DNAH8: variants seen among roughly 807,000 people sequenced by gnomAD.
The protein encoded by DNAH8 is axonemal beta dynein heavy chain 8.
A neutral mutation model predicts 562.1 loss-of-function variants in DNAH8; 382 were observed. The observed-to-expected ratio is 0.68, with a 90% CI of 0.63 to 0.74. The LOEUF (loss-of-function observed/expected upper bound fraction) is 0.74, where lower values mean the gene tolerates loss of function less well. DNAH8 is among the 30% of genes least tolerant of loss of function. DNAH8 has a pLI of 0.00. For synonymous variants in DNAH8, 1,881 were observed against 1,919.4 expected (o/e 0.98, Z 0.52); for missense variants, 5,203 against 5,620.4 (o/e 0.93, Z 2.37).
chr6:38,985,976 C>T (rs959343712), intron 87 of DNAH8, among the ~76,000 whole-genome samples: 11 of 152,160 alleles, frequency 7.2e-5, no homozygotes, highest in African/African-American at 2.2e-4. Flanking sequence ...ACTACAAAAA[C>T]CTAAGACTCC....
chr6:38,828,055 T>G, intron 29 of DNAH8, 129 bp from the exon 30 acceptor site: 1 of 654,848 alleles, frequency 1.5e-6, no homozygotes. Context: ...CACTTTTAAT[T>G]TTGGAAACCA....
intron 21 of DNAH8, among the ~76,000 whole-genome samples, chr6:38,800,365 G>A (rs563212439): frequency 5.3e-5 from 8 of 152,230 alleles, no homozygotes; most frequent in African/African-American, 1.4e-4. Flanking sequence ...CCACCAGCAT[G>A]TATGAGGGTT....
intron 57 of DNAH8, among the ~76,000 whole-genome samples, chr6:38,888,409 A>G (rs990735119): frequency 1.3e-5 from 2 of 152,206 alleles, no homozygotes; most frequent in Non-Finnish European, 2.9e-5. Context: ...ATTGAAATGT[A>G]AAATTTCTCT....
At position 39,018,798 on chromosome 6, in the gene DNAH8, A is replaced by C. The variant is rs1766719039; in HGVS notation, c.13714+6161A>C. 2.6e-5 allele frequency among the ~76,000 whole-genome samples: 4 copies of C among 152,196 alleles called. 1 individual carries two copies. The South Asian group carries it at 8.3e-4, about 32-fold the overall frequency. On this transcript the variant is annotated intron_variant, in intron 91 of 92. Coordinates refer to ENST00000327475, the MANE Select transcript of DNAH8 (RefSeq NM_001206927.2). ...AGGAGAAGGAGAGTAGTAAGTAAGTAGTGGCAGGTGCTCCAAGAGGGCAAG... is the reference window on the plus strand; with the variant it reads ...AGGAGAAGGAGAGTAGTAAGTAAGTCGTGGCAGGTGCTCCAAGAGGGCAAG...
chr6:38,852,196 C>T lies in DNAH8; in HGVS notation c.5467-498C>T, dbSNP rs529371623. Among the ~76,000 whole-genome samples the T allele has an allele frequency of 1.4e-4, 22 of 152,222 alleles. No individual in the cohort carries two copies. In the South Asian group the frequency reaches 1.5e-3, roughly 10 times the overall value. On this transcript the variant is annotated intron_variant, in intron 39 of 92. Coordinates refer to ENST00000327475, the MANE Select transcript of DNAH8 (RefSeq NM_001206927.2). ...TACTTTGGAAGAGGAAAAGAAAAACCGTAGCAAACTGAGAGTGGGAGGCAC... is the reference window on the plus strand; with the variant it reads ...TACTTTGGAAGAGGAAAAGAAAAACTGTAGCAAACTGAGAGTGGGAGGCAC...
intron 44 of DNAH8, among the ~76,000 whole-genome samples, chr6:38,863,224 G>C (rs1776774867): frequency 1.1e-5 from 1 of 93,840 alleles, no homozygotes. Flanking sequence ...ATGAGGTCGG[G>C]AGTTCAACCA....
intron 73 of DNAH8, among the ~76,000 whole-genome samples, chr6:38,925,314 ATTTTATTTTATTTTATTTTAT>A (rs1202082619): frequency 3.5e-5 from 5 of 142,462 alleles, no homozygotes; most frequent in Admixed American, 2.8e-4. Context: ...ATTTTATTTT[ATTTTATTTTATTTTATTTTAT>A]TTTATTTTAT....
chr6:38,995,222 G>T (rs1352882446), intron 88 of DNAH8, among the ~76,000 whole-genome samples: 1 of 151,980 alleles, frequency 6.6e-6, no homozygotes, highest in East Asian at 1.9e-4. Context: ...TATATTAATG[G>T]ATTTCCTAAC....
chr6:38,923,127 A>G lies in DNAH8; in HGVS notation c.10732A>G (p.Ser3578Gly). Residue 3578 changes from serine to glycine, a missense_variant, in exon 72 of 93, where the codon AGT becomes GGT. Around this residue, in one of 6 missense-constraint regions of DNAH8, gnomAD observed 1,399 missense variants for 1,518.4 expected, o/e 0.92. Transcript: ENST00000327475. Reference protein sequence around the residue: ...QAASTLIDGLSGEKIRWTQQS... With the variant: ...QAASTLIDGLGGEKIRWTQQS... ...CGCCTCCACTCTCATCGATGGGCTG[A>G]GTGGAGAAAAAATCCGGTGGACCCA... 1.9e-6 allele frequency: 3 copies of G among 1,613,778 alleles called. No homozygotes were observed. The highest frequency in any genetic ancestry group is 2.5e-6 in the Non-Finnish European group (3 of 1,179,814).
At chr6:38,724,819 G>A (rs1763071593) in intron 3 of DNAH8, among the ~76,000 whole-genome samples, 1 of 152,174 alleles carries the variant, frequency 6.6e-6, no homozygotes. Context: ...AAAGACCAGT[G>A]AGCAGGTGCA....
intron 82 of DNAH8, among the ~76,000 whole-genome samples, chr6:38,955,032 A>G (rs1435098900): frequency 6.6e-6 from 1 of 152,134 alleles, no homozygotes; most frequent in African/African-American, 2.4e-5. Flanking sequence ...CAGTGGTGCA[A>G]TCATGGCTCA....
At chr6:38,743,008 T>TG (rs1491275629) in intron 8 of DNAH8, among the ~76,000 whole-genome samples, 38 of 5,932 alleles carry the variant, frequency 6.4e-3, no homozygotes, top group Admixed American at 8.7e-3. Flanking sequence ...GTTGTTGTGC[T>TG]TTTTTTTTTT....
At chr6:38,731,773 G>C (rs1008361448) in intron 4 of DNAH8, among the ~76,000 whole-genome samples, 2 of 152,188 alleles carry the variant, frequency 1.3e-5, no homozygotes, top group Non-Finnish European at 2.9e-5. Context: ...GGAGTGCAAT[G>C]GTGCCATCTT....
At chr6:38,801,783 A>G (rs530746520) in intron 21 of DNAH8, among the ~76,000 whole-genome samples, 5 of 152,242 alleles carry the variant, frequency 3.3e-5, no homozygotes, top group Admixed American at 6.5e-5. Context: ...ATGAGAATGC[A>G]TTCAGATACA....
At chr6:38,933,398 T>A (rs1297545758) in intron 76 of DNAH8, among the ~76,000 whole-genome samples, 2 of 152,132 alleles carry the variant, frequency 1.3e-5, no homozygotes, top group Admixed American at 1.3e-4. Flanking sequence ...ACAATCCTAC[T>A]ATTATACCCA....
intron 53 of DNAH8, among the ~76,000 whole-genome samples, chr6:38,878,502 ACAG>A (rs1778198744): frequency 6.6e-6 from 1 of 152,188 alleles, no homozygotes; most frequent in Non-Finnish European, 1.5e-5. Context: ...AAAAAATAGA[ACAG>A]CAACAGAAAA....
intron 81 of DNAH8, among the ~76,000 whole-genome samples, chr6:38,950,858 T>C (rs1046528985): frequency 2.0e-5 from 3 of 152,156 alleles, no homozygotes; most frequent in Admixed American, 2.0e-4. Context: ...CTGTGGGGCT[T>C]GTCTGTGCTT....
At position 38,734,624 on chromosome 6, in the gene DNAH8, A is replaced by G; in HGVS notation, c.761A>G (p.Glu254Gly). 1 of 1,609,664 alleles carries G rather than the reference A, an allele frequency of 6.2e-7. No homozygotes were observed. Among genetic ancestry groups the G allele is most frequent in the Non-Finnish European group, 8.5e-7 (1 of 1,179,100 alleles). The change falls in exon 5 of 93, where the codon GAG becomes GGG. Residue 254 changes from glutamate (E) to glycine (G), a missense_variant and splice_region_variant. By Grantham distance (98) the Glu-to-Gly change is moderately conservative. Around this residue, in one of 6 missense-constraint regions of DNAH8, gnomAD observed 556 missense variants for 496.9 expected, o/e 1.12. Transcript: ENST00000327475. ...GCTATAAATGTTAAAACTATTCAAGAGGTATGTTTAAAAATTTCCCCAAAT... is the reference window on the plus strand; with the variant it reads ...GCTATAAATGTTAAAACTATTCAAGGGGTATGTTTAAAAATTTCCCCAAAT... ...DVAINVKTIQEEALFTVLDAS... is the reference protein window; with the variant it reads ...DVAINVKTIQGEALFTVLDAS...
intron 21 of DNAH8, among the ~76,000 whole-genome samples, chr6:38,798,039 A>G (rs4711557): frequency 0.35 from 52,593 of 149,692 alleles, 9,663 homozygotes; most frequent in East Asian, 0.54. Flanking sequence ...GACCGTGTCC[A>G]CTCCAGCCTG....
Sources: gnomAD v4.1 joint callset for allele counts (sites outside exome capture counted in the v4.1 genomes callset) on GRCh38, gnomAD v4.1.1 for gene constraint, gnomAD v4.1.1 regional missense constraint, MANE v1.5 for transcripts, NCBI Gene and HGNC (gene_info 2026-07-23, HGNC 2026-07-21) for gene names.